FNDC3B: variants seen among roughly 807,000 people sequenced by gnomAD.
FNDC3B encodes fibronectin type III domain-containing protein 3B.
FNDC3B carries 12 observed loss-of-function variants against 151.5 expected under a neutral mutation model. That is an observed-to-expected ratio of 0.08 (90% CI 0.05 to 0.13). The LOEUF (loss-of-function observed/expected upper bound fraction) is 0.13, where lower values mean the gene tolerates loss of function less well. FNDC3B is among the 10% of genes least tolerant of loss of function. The pLI is 1.00. For missense variants in FNDC3B, 1,214 were observed against 1,505.3 expected, an observed-to-expected ratio of 0.81 and a Z score of 3.20; for synonymous variants, 528 against 549.0, an observed-to-expected ratio of 0.96 and a Z score of 0.54.
intron 5 of FNDC3B, among the ~76,000 whole-genome samples, chr3:172,248,733 A>T (rs1239111039): frequency 6.7e-6 from 1 of 148,248 alleles, no homozygotes; most frequent in South Asian, 2.1e-4. Flanking sequence ...TTATAATTAT[A>T]TTTTTATATA....
In FNDC3B at chr3:172,219,471, A is replaced by G. The variant is rs550987735; in HGVS notation, c.188-7400A>G. ...ATAATTTTTCAATTCTTTTTTTGTT[A>G]AGGTGAAATGCATAAAACATAAAAT... On this transcript the variant is annotated intron_variant, in intron 3 of 25. Coordinates refer to ENST00000415807, the MANE Select transcript of FNDC3B (RefSeq NM_022763.4). Among the ~76,000 whole-genome samples the G allele has an allele frequency of 1.2e-4, 18 of 152,192 alleles. No homozygotes were observed. In the South Asian group the frequency reaches 1.4e-3, roughly 12 times the overall value.
rs139537835 is a variant in FNDC3B at position 172,107,677 on chromosome 3, T to C, written c.-28-4775T>C. ...TTATCCAGAGATCACACATCTGGCCTGCTCAGCTACCTTCACAGCTGATGA... is the reference window on the plus strand; with the variant it reads ...TTATCCAGAGATCACACATCTGGCCCGCTCAGCTACCTTCACAGCTGATGA... On this transcript the variant is annotated intron_variant, in intron 1 of 25. Coordinates refer to ENST00000415807, the MANE Select transcript of FNDC3B (RefSeq NM_022763.4). Among the ~76,000 whole-genome samples, 460 of 152,276 alleles carry C rather than the reference T, an allele frequency of 3.0e-3. 2 individuals are homozygous for C. Among genetic ancestry groups the C allele is most frequent in the Admixed American group, 5.6e-3 (85 of 15,302 alleles).
chr3:172,350,770 T>C (rs1389592756), intron 21 of FNDC3B, among the ~76,000 whole-genome samples: 2 of 152,152 alleles, frequency 1.3e-5, no homozygotes, highest in Non-Finnish European at 2.9e-5. Flanking sequence ...GGAGGATCAC[T>C]TGAGCCTGGC....
intron 25 of FNDC3B, among the ~76,000 whole-genome samples, chr3:172,392,739 G>C (rs1263228332): frequency 6.7e-6 from 1 of 150,218 alleles, no homozygotes. Context: ...GTATTAATGG[G>C]TAGAATTATT....
At chr3:172,117,911 C>T (rs1720345528) in intron 2 of FNDC3B, among the ~76,000 whole-genome samples, 1 of 152,200 alleles carries the variant, frequency 6.6e-6, no homozygotes, top group Admixed American at 6.5e-5. Flanking sequence ...ACAGAAAACT[C>T]GCTTCTCCTG....
chr3:172,397,513 T>G lies in FNDC3B; in HGVS notation c.*38T>G. 4.6e-6 allele frequency: 6 copies of G among 1,302,630 alleles called. No individual in the cohort carries two copies. Among genetic ancestry groups the G allele is most frequent in the Non-Finnish European group, 6.4e-6 (6 of 942,468 alleles). The allele number at this position is 1,302,630 out of a possible 1,614,324, so 80.7% of individuals were successfully genotyped here. ...TAGAGGTATGAATTAATGCTACACA[T>G]TTTAATACACACATTTATTCAGATA... On this transcript the variant is annotated 3_prime_UTR_variant, in exon 26 of 26. Coordinates refer to ENST00000415807, the MANE Select transcript of FNDC3B (RefSeq NM_022763.4).
Position 172,343,011 on chromosome 3 carries a change from T to C in FNDC3B, c.1972T>C (p.Cys658Arg). ...GTTCTCTCTGGTGTTTCTCCTGCAG[T>C]GTTCTGAAAGTCTCCCTGTTCGCAC... Reference protein sequence around the residue: ...CCISTGGHSQCSESLPVRTLS... With the variant: ...CCISTGGHSQRSESLPVRTLS... Residue 658 changes from cysteine to arginine, a missense_variant and splice_region_variant, in exon 18 of 26, where the codon TGT becomes CGT. This residue lies in a region of FNDC3B where 380 missense variants were observed against 420.9 expected (regional missense o/e 0.90). Transcript: ENST00000415807. 1 of 1,592,196 alleles carries C rather than the reference T, an allele frequency of 6.3e-7. No individual in the cohort carries two copies. The highest frequency in any genetic ancestry group is 2.2e-5 in the East Asian group (1 of 44,744).
At chr3:172,342,204 T>C (rs1384214471) in intron 17 of FNDC3B, among the ~76,000 whole-genome samples, 1 of 152,230 alleles carries the variant, frequency 6.6e-6, no homozygotes, top group African/African-American at 2.4e-5. Context: ...ACTGCCCATG[T>C]AGACACTGCC....
At chr3:172,214,601 A>G (rs558078291) in intron 3 of FNDC3B, among the ~76,000 whole-genome samples, 15 of 152,186 alleles carry the variant, frequency 9.9e-5, no homozygotes, top group African/African-American at 3.4e-4. Context: ...TAGATTGGCA[A>G]GAAAGTGGCA....
chr3:172,316,000 C>CTTTTTTTT (rs555242809), intron 11 of FNDC3B, among the ~76,000 whole-genome samples: 40 of 79,916 alleles, frequency 5.0e-4, no homozygotes, highest in East Asian at 8.2e-4. Flanking sequence ...CTTTCTTCTT[C>CTTTTTTTT]TTTTTTTTTT....
chr3:172,370,701 A>G (rs1029560737), intron 23 of FNDC3B, among the ~76,000 whole-genome samples: 7 of 152,236 alleles, frequency 4.6e-5, no homozygotes, highest in Non-Finnish European at 1.0e-4. Flanking sequence ...CTGTCCCGCC[A>G]TGGAGTACTC....
Position 172,330,564 on chromosome 3 carries a change from G to C in FNDC3B, c.1403G>C (p.Cys468Ser), listed in dbSNP as rs1437239245. ...AGTGGTTATAGCCAAGAGGTGGTGT[G>C]CTACACATTAGGAAATATCCCTCAG... ...GTSGYSQEVVCYTLGNIPQMP... is the reference protein window; with the variant it reads ...GTSGYSQEVVSYTLGNIPQMP... The change falls in exon 13 of 26, where the codon TGC becomes TCC. Residue 468 changes from cysteine (C) to serine (S), a missense_variant. Physicochemically the swap from Cys to Ser is moderately radical, Grantham distance 112. This residue lies in a region of FNDC3B where 111 missense variants were observed against 96.8 expected (regional missense o/e 1.15). Coordinates refer to ENST00000415807, the MANE Select transcript of FNDC3B (RefSeq NM_022763.4). The C allele has an allele frequency of 1.2e-6, 2 of 1,613,762 alleles. No individual in the cohort carries two copies. The highest frequency in any genetic ancestry group is 2.7e-5 in the African/African-American group (2 of 74,912).
chr3:172,190,099 TTC>T (rs1476885329), intron 3 of FNDC3B, among the ~76,000 whole-genome samples: 11 of 152,168 alleles, frequency 7.2e-5, no homozygotes, highest in Non-Finnish European at 1.5e-4. Flanking sequence ...TCTAATCCAT[TTC>T]TCTGTCTTGC....
At chr3:172,067,389 T>G (rs1398538341) in intron 1 of FNDC3B, among the ~76,000 whole-genome samples, 1 of 152,186 alleles carries the variant, frequency 6.6e-6, no homozygotes, top group African/African-American at 2.4e-5. Flanking sequence ...TCTGGCTTAC[T>G]GTAAATCTGA....
At chr3:172,092,680 G>T (rs1466643705) in intron 1 of FNDC3B, among the ~76,000 whole-genome samples, 1 of 152,226 alleles carries the variant, frequency 6.6e-6, no homozygotes, top group Non-Finnish European at 1.5e-5. Flanking sequence ...GGACAGAACT[G>T]TGGGTGTCCT....
chr3:172,182,916 C>A (rs1723990135), intron 3 of FNDC3B, among the ~76,000 whole-genome samples: 1 of 152,198 alleles, frequency 6.6e-6, no homozygotes, highest in East Asian at 1.9e-4. Context: ...GAAACTTCAC[C>A]TTTTTGCCAC....
At chr3:172,200,447 T>C (rs1163067612) in intron 3 of FNDC3B, among the ~76,000 whole-genome samples, 1 of 152,256 alleles carries the variant, frequency 6.6e-6, no homozygotes, top group African/African-American at 2.4e-5. Flanking sequence ...AAATGTGATA[T>C]GCATTTGGCA....
At chr3:172,386,768 A>G (rs1735734454) in intron 25 of FNDC3B, among the ~76,000 whole-genome samples, 1 of 151,690 alleles carries the variant, frequency 6.6e-6, no homozygotes, top group Admixed American at 6.6e-5. Flanking sequence ...AGAAAAAAAA[A>G]AAAAAAACCT....
intron 2 of FNDC3B, among the ~76,000 whole-genome samples, chr3:172,129,129 C>T (rs939646557): frequency 3.9e-5 from 6 of 152,124 alleles, no homozygotes; most frequent in East Asian, 1.9e-4. Context: ...CCACCATGTC[C>T]GGCTAATTTT....
Sources: gnomAD v4.1 joint callset for allele counts (sites outside exome capture counted in the v4.1 genomes callset) on GRCh38, gnomAD v4.1.1 for gene constraint, gnomAD v4.1.1 regional missense constraint, MANE v1.5 for transcripts, NCBI Gene and HGNC (gene_info 2026-07-23, HGNC 2026-07-21) for gene names.